KSR1: variants seen among roughly 807,000 people sequenced by gnomAD.
The protein encoded by KSR1 is kinase suppressor of ras 1.
In KSR1, 35 loss-of-function variants were observed where a neutral mutation model predicts 92.9. The ratio of observed to expected loss-of-function variants is 0.38; its 90% CI spans 0.29 to 0.50. The LOEUF is 0.50. Among genes scored for constraint, KSR1 ranks in the 20% least tolerant of loss-of-function variants. The pLI is 0.94. For synonymous variants in KSR1, 467 were observed against 472.6 expected (o/e 0.99, Z 0.15); for missense variants, 972 against 1,158.5 (o/e 0.84, Z 2.34).
intron 4 of KSR1, among the ~76,000 whole-genome samples, chr17:27,584,837 C>CA (rs1249862241): frequency 6.6e-6 from 1 of 151,916 alleles, no homozygotes; most frequent in Non-Finnish European, 1.5e-5. Flanking sequence ...TGGGGAGGCT[C>CA]AGGGTGTGTC....
At chr17:27,572,291 C>T (rs991455717) in intron 2 of KSR1, among the ~76,000 whole-genome samples, 1 of 152,236 alleles carries the variant, frequency 6.6e-6, no homozygotes, top group Admixed American at 6.5e-5. Context: ...TCCTGCATCC[C>T]CACCTGTGTG....
Position 27,605,615 on chromosome 17 carries a change from A to C in KSR1, c.1796A>C (p.Gln599Pro), listed in dbSNP as rs775112847. The C allele has an allele frequency of 6.2e-7, 1 of 1,606,644 alleles. No homozygotes were observed. The highest frequency in any genetic ancestry group is 8.5e-7 in the Non-Finnish European group (1 of 1,177,216). ...EQVELGEPIG[Q>P]GRWGRVHRGR... is the part of the protein sequence containing the mutation. ...GTAGAGCTGGGCGAGCCCATCGGGC[A>C]GGGCCGCTGGGGCCGGGTGCACCGC... is the stretch of plus-strand genomic sequence containing the variant. Residue 599 changes from glutamine to proline, a missense_variant, in exon 14 of 21, where the codon CAG becomes CCG. Physicochemically the swap from Gln to Pro is moderately conservative, Grantham distance 76. Coordinates refer to ENST00000644974, the MANE Select transcript of KSR1 (RefSeq NM_001394583.1).
intron 1 of KSR1, among the ~76,000 whole-genome samples, chr17:27,511,284 G>A (rs2069590071): frequency 6.6e-6 from 1 of 152,198 alleles, no homozygotes; most frequent in South Asian, 2.1e-4. Flanking sequence ...TGACATCTCA[G>A]AGCCAGAAGC....
At chr17:27,599,941 C>T (rs2073489288) in intron 10 of KSR1, among the ~76,000 whole-genome samples, 1 of 152,078 alleles carries the variant, frequency 6.6e-6, no homozygotes, top group Admixed American at 6.6e-5. Flanking sequence ...GCCTCAGGAT[C>T]ATCAATATCA....
chr17:27,605,540 C>A lies in KSR1; in HGVS notation c.1721C>A (p.Ala574Asp). 1.3e-6 allele frequency: 2 copies of A among 1,593,512 alleles called. No homozygotes were observed. The highest frequency in any genetic ancestry group is 2.3e-5 in the East Asian group (1 of 43,974). The stretch of plus-strand genomic sequence containing the variant: ...TGGCGGGGCCCCATCTCTCGCAAGG[C>A]CAGCCAGACCAGCGTGTACCTGCAG... ...RPWRGPISRK[A>D]SQTSVYLQEW... Residue 574 changes from alanine to aspartate, a missense_variant, in exon 14 of 21, where the codon GCC becomes GAC. Around this residue, in one of 5 missense-constraint regions of KSR1, gnomAD observed 611 missense variants for 668.0 expected, o/e 0.91. Coordinates refer to ENST00000644974, the MANE Select transcript of KSR1 (RefSeq NM_001394583.1).
intron 1 of KSR1, among the ~76,000 whole-genome samples, chr17:27,534,908 A>G (rs1287354225): frequency 6.6e-6 from 1 of 152,170 alleles, no homozygotes; most frequent in Non-Finnish European, 1.5e-5. Context: ...TCCTCTGACC[A>G]GACAAAATGG....
At chr17:27,562,393 A>C (rs1008874168) in intron 2 of KSR1, among the ~76,000 whole-genome samples, 1 of 152,238 alleles carries the variant, frequency 6.6e-6, no homozygotes, top group African/African-American at 2.4e-5. Context: ...GTTGCGTTAC[A>C]AGGATCTCTG....
intron 1 of KSR1, among the ~76,000 whole-genome samples, chr17:27,462,578 A>G (rs772832079): frequency 6.6e-6 from 1 of 152,194 alleles, no homozygotes; most frequent in Non-Finnish European, 1.5e-5. Flanking sequence ...GAGAAAGGAG[A>G]AGCTGCCTAG....
intron 10 of KSR1, among the ~76,000 whole-genome samples, chr17:27,598,415 C>T (rs541647255): frequency 4.6e-4 from 70 of 152,336 alleles, no homozygotes; most frequent in African/African-American, 1.6e-3. Flanking sequence ...ACCCAGCCAG[C>T]AGGAGGCCAG....
intron 2 of KSR1, among the ~76,000 whole-genome samples, chr17:27,552,914 A>G (rs1247644591): frequency 1.3e-5 from 2 of 152,130 alleles, no homozygotes; most frequent in Non-Finnish European, 1.5e-5. Context: ...AATTATCCCA[A>G]CACCCTACTT....
chr17:27,476,165 A>G (rs2068337234), intron 1 of KSR1, among the ~76,000 whole-genome samples: 1 of 152,222 alleles, frequency 6.6e-6, no homozygotes, highest in Non-Finnish European at 1.5e-5. Flanking sequence ...CGGGGGGACC[A>G]TGCTCAGTGA....
chr17:27,588,466 T>G lies in KSR1; in HGVS notation c.986-9T>G. The G allele has an allele frequency of 6.4e-7, 1 of 1,571,796 alleles. No individual in the cohort carries two copies. Among genetic ancestry groups the G allele is most frequent in the Non-Finnish European group, 8.6e-7 (1 of 1,158,584 alleles). On this transcript the variant is annotated splice_polypyrimidine_tract_variant and intron_variant, in intron 5 of 20. Transcript: ENST00000644974. ...CCTCAGCCTGCCCATCCGGCCTCTTTCCCTGCAGATCTCTCGCATGGATCC... is the reference window on the plus strand; with the variant it reads ...CCTCAGCCTGCCCATCCGGCCTCTTGCCCTGCAGATCTCTCGCATGGATCC...
At chr17:27,606,042 G>T (rs1156744137) in intron 14 of KSR1, among the ~76,000 whole-genome samples, 2 of 152,244 alleles carry the variant, frequency 1.3e-5, no homozygotes, top group African/African-American at 4.8e-5. Context: ...CACTTTGGGA[G>T]GCCAAGGTGG....
chr17:27,475,439 A>T (rs1026165462), intron 1 of KSR1, among the ~76,000 whole-genome samples: 27 of 152,226 alleles, frequency 1.8e-4, no homozygotes, highest in African/African-American at 6.5e-4. Flanking sequence ...ACAGAAAGTC[A>T]CTTTCTGACT....
intron 1 of KSR1, among the ~76,000 whole-genome samples, chr17:27,475,544 C>A (rs2068315991): frequency 6.6e-6 from 1 of 152,168 alleles, no homozygotes; most frequent in African/African-American, 2.4e-5. Flanking sequence ...ATTCATCCAG[C>A]AGCTTTTACA....
chr17:27,609,875 C>A, intron 16 of KSR1, 192 bp from the exon 17 acceptor site: 1 of 602,316 alleles, frequency 1.7e-6, no homozygotes, highest in Non-Finnish European at 2.8e-6. Flanking sequence ...AACAACCGGT[C>A]ATGACTCCTT....
chr17:27,529,825 A>G (rs149914120), intron 1 of KSR1, among the ~76,000 whole-genome samples: 65 of 152,256 alleles, frequency 4.3e-4, no homozygotes, highest in African/African-American at 1.5e-3. Flanking sequence ...TTTAATTTTC[A>G]TATCTGAATT....
At chr17:27,576,787 G>A (rs2072523202) in intron 2 of KSR1, among the ~76,000 whole-genome samples, 1 of 152,224 alleles carries the variant, frequency 6.6e-6, no homozygotes, top group African/African-American at 2.4e-5. Flanking sequence ...GCTATGGTTG[G>A]CTGCTGGTAA....
chr17:27,569,391 C>T (rs936432560), intron 2 of KSR1, among the ~76,000 whole-genome samples: 3 of 152,194 alleles, frequency 2.0e-5, no homozygotes, highest in Admixed American at 1.3e-4. Context: ...TGTGGGTGTG[C>T]CCGCAAGCCT....
Sources: gnomAD v4.1 joint callset for allele counts (sites outside exome capture counted in the v4.1 genomes callset) on GRCh38, gnomAD v4.1.1 for gene constraint, gnomAD v4.1.1 regional missense constraint, MANE v1.5 for transcripts, NCBI Gene and HGNC (gene_info 2026-07-23, HGNC 2026-07-21) for gene names.